SDK1: variants seen among roughly 807,000 people sequenced by gnomAD.
SDK1 encodes protein sidekick-1.
A neutral mutation model predicts 245.5 loss-of-function variants in SDK1; 157 were observed. That is an observed-to-expected ratio of 0.64 (90% CI 0.56 to 0.73). The LOEUF is 0.73. Among genes scored for constraint, SDK1 ranks in the 30% least tolerant of loss-of-function variants. SDK1 has a pLI of 0.00. For missense variants in SDK1, 3,583 were observed against 3,002.3 expected, an observed-to-expected ratio of 1.19 and a Z score of -4.52; for synonymous variants, 1,647 against 1,278.5, an observed-to-expected ratio of 1.29 and a Z score of -6.15.
At chr7:3,705,976 AG>A (rs1405286982) in intron 4 of SDK1, among the ~76,000 whole-genome samples, 1 of 152,220 alleles carries the variant, frequency 6.6e-6, no homozygotes, top group Non-Finnish European at 1.5e-5. Flanking sequence ...TTTATAATAA[AG>A]GGATGCTAGA....
chr7:4,113,681 C>G (rs926816807), intron 24 of SDK1, among the ~76,000 whole-genome samples: 1 of 152,174 alleles, frequency 6.6e-6, no homozygotes, highest in Non-Finnish European at 1.5e-5. Context: ...TTCCTTGGGG[C>G]AGGAAAGCTG....
chr7:3,693,878 C>G (rs953946184), intron 4 of SDK1, among the ~76,000 whole-genome samples: 5 of 152,124 alleles, frequency 3.3e-5, no homozygotes, highest in African/African-American at 4.8e-5. Context: ...TTTTCTCCTT[C>G]CTGCACATTT....
At chr7:3,562,404 A>G (rs1191121471) in intron 1 of SDK1, among the ~76,000 whole-genome samples, 1 of 152,226 alleles carries the variant, frequency 6.6e-6, no homozygotes. Context: ...AAGATGGTCA[A>G]CTGCATATAC....
At chr7:3,944,113 A>G (rs1349415652) in intron 5 of SDK1, among the ~76,000 whole-genome samples, 13 of 152,226 alleles carry the variant, frequency 8.5e-5, no homozygotes, top group Admixed American at 8.5e-4. Context: ...ACAGAGCACA[A>G]CCAGTGTTTT....
chr7:3,338,535 C>G (rs1780262622), intron 1 of SDK1: 1 of 415,124 alleles, frequency 2.4e-6, no homozygotes, highest in Non-Finnish European at 4.6e-6. Flanking sequence ...GAGAAGCACA[C>G]TTTGTGAGAA....
At chr7:3,436,982 A>G (rs369901445) in intron 1 of SDK1, among the ~76,000 whole-genome samples, 1 of 152,186 alleles carries the variant, frequency 6.6e-6, no homozygotes, top group East Asian at 1.9e-4. Context: ...AGTCACAATA[A>G]AAAAAATTTC....
intron 1 of SDK1, among the ~76,000 whole-genome samples, chr7:3,523,481 A>G (rs1325283210): frequency 6.6e-6 from 1 of 152,068 alleles, no homozygotes. Flanking sequence ...GATTAAAATG[A>G]CCTTTCTACC....
chr7:3,745,049 A>T (rs977539154), intron 4 of SDK1, among the ~76,000 whole-genome samples: 82 of 152,122 alleles, frequency 5.4e-4, no homozygotes, highest in African/African-American at 2.0e-3. Flanking sequence ...TGTTAGCTTT[A>T]GTATTGTCTC....
At chr7:3,806,395 C>CACATTAGGATG (rs1483103123) in intron 4 of SDK1, among the ~76,000 whole-genome samples, 14 of 152,062 alleles carry the variant, frequency 9.2e-5, no homozygotes, top group Middle Eastern at 3.4e-3. Context: ...CGTGGATGTC[C>CACATTAGGATG]TTGGGGGCCC....
At chr7:3,914,206 C>G (rs943322633) in intron 5 of SDK1, among the ~76,000 whole-genome samples, 1 of 152,198 alleles carries the variant, frequency 6.6e-6, no homozygotes, top group African/African-American at 2.4e-5. Context: ...GTGCAAGTTG[C>G]TGCTGCAATA....
In SDK1 at chr7:4,250,903, G is replaced by A. The variant is rs75108715; in HGVS notation, c.6381+5098G>A. ...CCCACAATTTTGGAACTTTTTCATC[G>A]CTCTAAAAAGAAACCCCATAACTCT... is the stretch of plus-strand genomic sequence containing the variant. On this transcript the variant is annotated intron_variant, in intron 44 of 44. Transcript: ENST00000404826. Among the ~76,000 whole-genome samples the A allele has an allele frequency of 6.8e-3, 1,029 of 151,974 alleles. 11 individuals are homozygous for A. The highest frequency in any genetic ancestry group is 0.02 in the African/African-American group (837 of 41,420).
intron 1 of SDK1, among the ~76,000 whole-genome samples, chr7:3,532,822 T>TC (rs1376694330): frequency 1.3e-5 from 2 of 152,174 alleles, no homozygotes; most frequent in Admixed American, 6.5e-5. Flanking sequence ...TCTTACCTCC[T>TC]CTGCGTTCTT....
chr7:3,841,073 C>T (rs1251313064), intron 5 of SDK1, among the ~76,000 whole-genome samples: 2 of 152,176 alleles, frequency 1.3e-5, no homozygotes, highest in Non-Finnish European at 2.9e-5. Context: ...TCTCCAATCC[C>T]AGGGATGCCC....
chr7:3,568,778 T>C (rs892475006), intron 1 of SDK1, among the ~76,000 whole-genome samples: 1 of 152,168 alleles, frequency 6.6e-6, no homozygotes, highest in African/African-American at 2.4e-5. Flanking sequence ...TCTTTGGGAG[T>C]ACCTGTAATG....
chr7:3,475,149 C>G (rs1023296701), intron 1 of SDK1, among the ~76,000 whole-genome samples: 1 of 152,200 alleles, frequency 6.6e-6, no homozygotes, highest in South Asian at 2.1e-4. Flanking sequence ...TCCATTCTCT[C>G]CCTTATGTAG....
intron 20 of SDK1, among the ~76,000 whole-genome samples, chr7:4,072,364 A>G (rs1780306354): frequency 6.6e-6 from 1 of 152,088 alleles, no homozygotes; most frequent in South Asian, 2.1e-4. Context: ...TGCTCACTGT[A>G]ATGTGCACCT....
At chr7:3,879,213 G>T (rs1176219308) in intron 5 of SDK1, among the ~76,000 whole-genome samples, 1 of 152,122 alleles carries the variant, frequency 6.6e-6, no homozygotes. Flanking sequence ...CAGTTGTAAG[G>T]ACAAAACATG....
chr7:3,617,121 G>T (rs1309776218), intron 1 of SDK1, among the ~76,000 whole-genome samples: 2 of 152,098 alleles, frequency 1.3e-5, no homozygotes, highest in Non-Finnish European at 2.9e-5. Flanking sequence ...ATGTTATAGG[G>T]CTTTTGTGAG....
chr7:4,137,261 C>T (rs528772764), intron 28 of SDK1, among the ~76,000 whole-genome samples: 2 of 152,352 alleles, frequency 1.3e-5, no homozygotes, highest in Middle Eastern at 6.8e-3. Flanking sequence ...TGCCACTGCA[C>T]TCCAGCCTGG....
Sources: gnomAD v4.1 joint callset for allele counts (sites outside exome capture counted in the v4.1 genomes callset) on GRCh38, gnomAD v4.1.1 for gene constraint, MANE v1.5 for transcripts, NCBI Gene and HGNC (gene_info 2026-07-23, HGNC 2026-07-21) for gene names.